RNF115: variants seen among roughly 807,000 people sequenced by gnomAD.
The protein encoded by RNF115 is E3 ubiquitin-protein ligase RNF115.
A neutral mutation model predicts 39.2 loss-of-function variants in RNF115; 31 were observed. That is an observed-to-expected ratio of 0.79 (90% CI 0.59 to 1.07). RNF115 has a LOEUF of 1.07. RNF115 is among the 50% of genes least tolerant of loss of function. The pLI is 0.00. For missense variants in RNF115, 384 were observed against 381.7 expected (o/e 1.01, Z -0.05); for synonymous variants, 124 against 131.0 (o/e 0.95, Z 0.37).
chr1:145,763,913 TC>T (rs1182084314), intron 4 of RNF115, among the ~76,000 whole-genome samples: 4 of 85,030 alleles, frequency 4.7e-5, no homozygotes, highest in Non-Finnish European at 8.9e-5. Flanking sequence ...CCTCTCCCTC[TC>T]CCCATGGTCT....
rs587653390 is a variant in RNF115, at chr1:145,744,512, A to C, written c.*2354T>G. On this transcript the variant is annotated 3_prime_UTR_variant, in exon 9 of 9. Coordinates refer to ENST00000582693, the MANE Select transcript of RNF115 (RefSeq NM_014455.4). ...CTTTCTGGTCACAACTTTTAGAGGCAGGCTATTATTTCAGCAGGCCACTCT... is the reference window on the plus strand; with the variant it reads ...CTTTCTGGTCACAACTTTTAGAGGCCGGCTATTATTTCAGCAGGCCACTCT... The C allele has an allele frequency of 2.0e-5, 3 of 152,316 alleles. No homozygotes were observed. Among genetic ancestry groups the C allele is most frequent in the South Asian group, 4.1e-4 (2 of 4,820 alleles). The allele number at this position is 152,316 out of a possible 1,614,324, so 9.4% of individuals were successfully genotyped here.
At chr1:145,786,852 G>A (rs772550173) in intron 2 of RNF115, among the ~76,000 whole-genome samples, 1 of 152,128 alleles carries the variant, frequency 6.6e-6, no homozygotes, top group African/African-American at 2.4e-5. Context: ...TTGCAGTCAT[G>A]CTAATCTTAC....
chr1:145,803,142 C>T (rs1289155428), intron 1 of RNF115, among the ~76,000 whole-genome samples: 1 of 152,136 alleles, frequency 6.6e-6, no homozygotes, highest in Admixed American at 6.5e-5. Context: ...AGAAAGTTTC[C>T]AGTCTAAACA....
intron 1 of RNF115, among the ~76,000 whole-genome samples, chr1:145,794,783 CGAG>C (rs1648869455): frequency 6.6e-6 from 1 of 151,588 alleles, no homozygotes; most frequent in South Asian, 2.1e-4. Context: ...TTTGGGAGGC[CGAG>C]GAGGGTGGAT....
chr1:145,811,902 A>AT (rs1649733358), intron 1 of RNF115, among the ~76,000 whole-genome samples: 2 of 87,112 alleles, frequency 2.3e-5, no homozygotes, highest in South Asian at 3.4e-4. Flanking sequence ...AAAAAAAAAA[A>AT]AAAAAAATAT....
chr1:145,764,598 G>A (rs587666231), intron 4 of RNF115, among the ~76,000 whole-genome samples: 1 of 150,364 alleles, frequency 6.7e-6, no homozygotes, highest in Non-Finnish European at 1.5e-5. Context: ...GATCCCCTCC[G>A]CCCGGCAGCC....
chr1:145,741,612 GACAGAACCT>G lies in RNF115; in HGVS notation c.*5245_*5253del, dbSNP rs1282327140. On this transcript the variant is annotated 3_prime_UTR_variant, in exon 9 of 9. Transcript: ENST00000582693. The stretch of plus-strand genomic sequence containing the variant: ...TCAAAGTTTTCCTCCATCTTACTGT[GACAGAACCT>G]ACATGAGATTCATTCGGGAAATTCT... 6.6e-6 allele frequency: 1 copy of G among 152,288 alleles called. No homozygotes were observed. The highest frequency in any genetic ancestry group is 1.5e-5 in the Non-Finnish European group (1 of 68,076). 9.4% of individuals were successfully genotyped at this position (152,288 alleles called of 1,614,324 possible). A position where few individuals can be genotyped will look rare whatever the true frequency, so the allele number is the denominator to read the frequency against.
intron 1 of RNF115, among the ~76,000 whole-genome samples, chr1:145,802,420 G>A (rs587611029): frequency 1.3e-5 from 2 of 152,298 alleles, no homozygotes; most frequent in Middle Eastern, 3.4e-3. Flanking sequence ...CAAAGGATTA[G>A]TTATCACAAT....
intron 4 of RNF115, 93 bp downstream of exon 4, chr1:145,771,618 G>GTAA (rs781877515): frequency 2.0e-5 from 19 of 971,552 alleles, no homozygotes; most frequent in Non-Finnish European, 2.6e-5. Context: ...GTCCACAAAG[G>GTAA]TAATAAGTAT....
chr1:145,811,883 C>CAAAAAA lies in RNF115; in HGVS notation c.102+11883_102+11888dup, dbSNP rs67086842. ...CCTGGTTGACAGAGATTCTGTCTCA[C>CAAAAAA]AAAAAAAAAAAAAAAAAAAAAAAAA... On this transcript the variant is annotated intron_variant, in intron 1 of 8. Coordinates refer to ENST00000582693, the MANE Select transcript of RNF115 (RefSeq NM_014455.4). 1.3e-3 allele frequency among the ~76,000 whole-genome samples: 48 copies of CAAAAAA among 35,854 alleles called. 2 individuals are homozygous for CAAAAAA. Among genetic ancestry groups the CAAAAAA allele is most frequent in the Non-Finnish European group, 1.9e-3 (29 of 15,012 alleles). The allele number at this position is 35,854 out of a possible 152,430, so 23.5% of individuals were successfully genotyped here. A position where few individuals can be genotyped will look rare whatever the true frequency, so the allele number is the denominator to read the frequency against.
chr1:145,799,733 T>C (rs1375251947), intron 1 of RNF115, among the ~76,000 whole-genome samples: 1 of 152,184 alleles, frequency 6.6e-6, no homozygotes, highest in Admixed American at 6.5e-5. Context: ...GCTAGGACTA[T>C]AGGCGTACAT....
At position 145,741,378 on chromosome 1, in the gene RNF115, G is replaced by A. The variant is rs1329212727; in HGVS notation, c.*5488C>T. ...ATGTACTTGTCTGTGGCAGGTATGA[G>A]AGATCGAAACCTTACAATGTCAATG... On this transcript the variant is annotated 3_prime_UTR_variant, in exon 9 of 9. Transcript: ENST00000582693. The A allele has an allele frequency of 2.6e-5, 4 of 152,176 alleles. No homozygotes were observed. The highest frequency in any genetic ancestry group is 9.7e-5 in the African/African-American group (4 of 41,438). The allele number at this position is 152,176 out of a possible 1,614,324, so 9.4% of individuals were successfully genotyped here. A position where few individuals can be genotyped will look rare whatever the true frequency, so the allele number is the denominator to read the frequency against.
chr1:145,788,718 TTTTC>T (rs782793838), intron 2 of RNF115, 186 bp downstream of exon 2: 32 of 687,560 alleles, frequency 4.7e-5, no homozygotes, highest in African/African-American at 1.4e-4. Flanking sequence ...ATTTTCCCAT[TTTTC>T]TTTCTTTTTC....
intron 4 of RNF115, among the ~76,000 whole-genome samples, chr1:145,753,838 T>C (rs587623394): frequency 1.3e-5 from 2 of 152,142 alleles, no homozygotes; most frequent in Admixed American, 6.5e-5. Context: ...TGCCTTAGCC[T>C]CCCGAGTAGC....
intron 2 of RNF115, chr1:145,787,067 C>G: frequency 3.2e-6 from 4 of 1,268,944 alleles, no homozygotes; most frequent in Non-Finnish European, 4.1e-6. Flanking sequence ...TTAGATTCTG[C>G]CAACAGTAAC....
chr1:145,805,705 A>T (rs1166703816), intron 1 of RNF115, among the ~76,000 whole-genome samples: 8 of 152,176 alleles, frequency 5.3e-5, no homozygotes, highest in Admixed American at 1.3e-4. Flanking sequence ...AAACTACAGA[A>T]GAAAATTCCC....
intron 3 of RNF115, chr1:145,773,181 G>A (rs146104716): frequency 6.6e-6 from 1 of 152,046 alleles, no homozygotes; most frequent in African/African-American, 2.4e-5. Context: ...TAAAGTTTTT[G>A]TCTAGTAATT....
chr1:145,783,874 C>T (rs946013832), intron 3 of RNF115, among the ~76,000 whole-genome samples: 1 of 150,418 alleles, frequency 6.6e-6, no homozygotes, highest in Non-Finnish European at 1.5e-5. Context: ...GGTCAATGGA[C>T]GAAGTGAAAA....
chr1:145,751,572 G>T, intron 5 of RNF115, 62 bp from the exon 6 acceptor site: 1 of 1,220,586 alleles, frequency 8.2e-7, no homozygotes, highest in Non-Finnish European at 1.2e-6. Context: ...TTACACCACA[G>T]AAAAAAATTG....
Sources: allele counts gnomAD v4.1 joint callset (sites outside exome capture counted in the v4.1 genomes callset), GRCh38; gene constraint gnomAD v4.1.1; transcripts MANE v1.5; gene names NCBI Gene and HGNC (gene_info 2026-07-23, HGNC 2026-07-21).